Variants in COL4A2 observed in about 807,000 individuals in gnomAD.
COL4A2 encodes the protein collagen alpha-2(IV) chain.
Under a neutral mutation model 200.2 loss-of-function variants are expected in COL4A2, and 99 were observed. That is an observed-to-expected ratio of 0.49 (90% CI 0.42 to 0.58). The LOEUF (loss-of-function observed/expected upper bound fraction) is 0.58, where lower values mean the gene tolerates loss of function less well. COL4A2 is among the 20% of genes least tolerant of loss of function. The pLI is 0.00. For synonymous variants in COL4A2, 897 were observed against 900.6 expected, an observed-to-expected ratio of 1.00 and a Z score of 0.07; for missense variants, 1,950 against 2,314.1, an observed-to-expected ratio of 0.84 and a Z score of 3.23.
chr13:110,433,434 G>A (rs1880758147), intron 11 of COL4A2, among the ~76,000 whole-genome samples: 1 of 127,948 alleles, frequency 7.8e-6, no homozygotes, highest in Non-Finnish European at 1.6e-5. Context: ...ACCAGCTCAG[G>A]AGGCAGAGAG....
rs775456804 is a variant in COL4A2, at chr13:110,467,013, C to T, written c.2039-27C>T. The T allele has an allele frequency of 5.0e-6, 8 of 1,613,750 alleles. No individual in the cohort carries two copies. The South Asian group carries it at 5.5e-5, about 11-fold the overall frequency. ...GACTCAGTGTTTAGGATTGCTTGGG[C>T]TCATCTTTTCTCCTTTCTGTCCCCA... On this transcript the variant is annotated intron_variant, in intron 26 of 47. Transcript: ENST00000360467.
intron 20 of COL4A2, among the ~76,000 whole-genome samples, chr13:110,453,715 A>G (rs900008449): frequency 6.6e-6 from 1 of 152,250 alleles, no homozygotes. Context: ...GAGGAAAGTA[A>G]TAAAATGAAT....
Position 110,450,308 on chromosome 13 carries a change from AGAG to A in COL4A2, c.1197_1199del (p.Arg400del), listed in dbSNP as rs775966238. 2 of 1,613,574 alleles carry A rather than the reference AGAG, an allele frequency of 1.2e-6. No homozygotes were observed. Among genetic ancestry groups the A allele is most frequent in the Non-Finnish European group, 1.7e-6 (2 of 1,179,598 alleles). ...GGTGAATGCTGTTTGGTTTCAGATC[AGAG>A]GAGAGGCCTGCCGGGTGAGATGGGA... On this transcript the variant is annotated inframe_deletion, in exon 20 of 48. Coordinates refer to ENST00000360467, the MANE Select transcript of COL4A2 (RefSeq NM_001846.4).
chr13:110,430,155 TC>T, intron 8 of COL4A2, 199 bp downstream of exon 8: 1 of 691,646 alleles, frequency 1.4e-6, no homozygotes, highest in South Asian at 3.5e-5. Flanking sequence ...TTTATCTCTT[TC>T]CCATATTCAC....
intron 4 of COL4A2, among the ~76,000 whole-genome samples, chr13:110,401,568 T>TA: frequency 6.6e-6 from 1 of 152,344 alleles, no homozygotes; most frequent in African/African-American, 2.4e-5. Flanking sequence ...GCTTTCTAAG[T>TA]AGCTTGATAT....
At chr13:110,506,648 G>A in intron 46 of COL4A2, 42 bp downstream of exon 46, 1 of 1,534,796 alleles carries the variant, frequency 6.5e-7, no homozygotes, top group Non-Finnish European at 8.8e-7. Context: ...GCTCAGGGCT[G>A]GCCCGGAAGT....
chr13:110,392,223 A>G (rs368849980), intron 4 of COL4A2, among the ~76,000 whole-genome samples: 5 of 152,240 alleles, frequency 3.3e-5, no homozygotes, highest in African/African-American at 1.2e-4. Flanking sequence ...TCAGTCAACA[A>G]CTTGACTGAT....
intron 4 of COL4A2, among the ~76,000 whole-genome samples, chr13:110,391,093 T>G (rs1878968669): frequency 6.6e-6 from 1 of 152,224 alleles, no homozygotes; most frequent in Non-Finnish European, 1.5e-5. Context: ...GCGTTTATTT[T>G]TAGTAGTGCT....
chr13:110,310,093 T>A (rs1442980995), intron 3 of COL4A2, among the ~76,000 whole-genome samples: 1 of 152,244 alleles, frequency 6.6e-6, no homozygotes, highest in Admixed American at 6.5e-5. Context: ...GAATTACGGC[T>A]TCACAGAGGC....
chr13:110,459,752 CCT>C (rs1163631301), intron 22 of COL4A2: 3 of 152,236 alleles, frequency 2.0e-5, no homozygotes, highest in East Asian at 3.9e-4. Flanking sequence ...CTCAAAAAAA[CCT>C]ATCATTTTTA....
chr13:110,415,640 A>G (rs1037784886), intron 4 of COL4A2, among the ~76,000 whole-genome samples: 1 of 152,176 alleles, frequency 6.6e-6, no homozygotes, highest in Non-Finnish European at 1.5e-5. Context: ...TCTCATATAT[A>G]TAGACCGCTT....
intron 12 of COL4A2, 100 bp downstream of exon 12, chr13:110,434,542 C>G: frequency 7.9e-7 from 1 of 1,267,562 alleles, no homozygotes; most frequent in South Asian, 1.3e-5. Flanking sequence ...AAACTTTTAC[C>G]TTGAGTTGAT....
intron 13 of COL4A2, 86 bp from the exon 14 acceptor site, chr13:110,437,916 C>G: frequency 9.5e-7 from 1 of 1,056,056 alleles, no homozygotes; most frequent in Non-Finnish European, 1.5e-6. Flanking sequence ...TCAGTACTTT[C>G]AGCTCATGTC....
At position 110,355,132 on chromosome 13, in the gene COL4A2, A is replaced by T. The variant is rs143367694; in HGVS notation, c.100-2340A>T. 1.1e-4 allele frequency among the ~76,000 whole-genome samples: 17 copies of T among 152,366 alleles called. No individual in the cohort carries two copies. The East Asian group carries it at 3.3e-3, about 29-fold the overall frequency. ...TCATCTGGTAAGTTTTACTTGCATGATAAGGTTTCAATCAGTGAACACCAG... is the reference window on the plus strand; with the variant it reads ...TCATCTGGTAAGTTTTACTTGCATGTTAAGGTTTCAATCAGTGAACACCAG... On this transcript the variant is annotated intron_variant, in intron 3 of 47. Coordinates refer to ENST00000360467, the MANE Select transcript of COL4A2 (RefSeq NM_001846.4).
intron 22 of COL4A2, chr13:110,461,907 C>T (rs1882040762): frequency 3.1e-6 from 2 of 647,800 alleles, no homozygotes; most frequent in African/African-American, 1.8e-5. Context: ...AGTTCCAGTG[C>T]TCCACAGCCA....
chr13:110,445,717 C>T, intron 16 of COL4A2, 112 bp from the exon 17 acceptor site: 2 of 1,378,168 alleles, frequency 1.5e-6, no homozygotes, highest in South Asian at 1.2e-5. Context: ...TGGGTTAATA[C>T]ATGACTTTAA....
At chr13:110,497,992 C>G (rs1883520377) in intron 40 of COL4A2, among the ~76,000 whole-genome samples, 1 of 151,030 alleles carries the variant, frequency 6.6e-6, no homozygotes, top group Non-Finnish European at 1.5e-5. Context: ...ACCAGCACAG[C>G]CTCAGTCAGG....
Position 110,465,414 on chromosome 13 carries a change from A to G in COL4A2, c.1786A>G (p.Ile596Val). Residue 596 changes from isoleucine to valine, a missense_variant, in exon 25 of 48, where the codon ATC becomes GTC. By Grantham distance (29) the Ile-to-Val change is conservative (BLOSUM62 3). Coordinates refer to ENST00000360467, the MANE Select transcript of COL4A2 (RefSeq NM_001846.4). ...CTGAATTTTCACACAGGGTGATGGC[A>G]TCAAGGGCCCTCCAGGGGACCCAGG... ...PGLPGPPGDGIKGPPGDPGYP... is the reference protein window; with the variant it reads ...PGLPGPPGDGVKGPPGDPGYP... 1 of 1,609,790 alleles carries G rather than the reference A, an allele frequency of 6.2e-7. No homozygotes were observed. The highest frequency in any genetic ancestry group is 8.5e-7 in the Non-Finnish European group (1 of 1,178,842).
chr13:110,461,826 C>T (rs531847332), intron 22 of COL4A2, among the ~76,000 whole-genome samples: 2 of 152,180 alleles, frequency 1.3e-5, no homozygotes, highest in Non-Finnish European at 2.9e-5. Flanking sequence ...TGAATCACCG[C>T]GCCCGGCCAC....
Sources: gnomAD v4.1 joint callset for allele counts (sites outside exome capture counted in the v4.1 genomes callset) on GRCh38, gnomAD v4.1.1 for gene constraint, MANE v1.5 for transcripts, NCBI Gene and HGNC (gene_info 2026-07-23, HGNC 2026-07-21) for gene names.